Variants in SCARB2 observed in about 807,000 individuals in gnomAD.
SCARB2 encodes the protein lysosome membrane protein 2.
Under a neutral mutation model 58.6 loss-of-function variants are expected in SCARB2, and 29 were observed. The ratio of observed to expected loss-of-function variants is 0.49; its 90% CI spans 0.37 to 0.67. The LOEUF (loss-of-function observed/expected upper bound fraction) is 0.67. SCARB2 is among the 30% of genes least tolerant of loss of function. SCARB2 has a pLI of 0.00. For missense variants in SCARB2, 488 were observed against 578.5 expected, an observed-to-expected ratio of 0.84 and a Z score of 1.60; for synonymous variants, 195 against 210.1, an observed-to-expected ratio of 0.93 and a Z score of 0.62.
chr4:76,213,669 C>G lies in SCARB2; in HGVS notation c.-126G>C, dbSNP rs1733126345. ...CGGCGCCACGCCCACGCCCTCCCGG[C>G]GCACGGTTCGTGCGCGCAGCTCTGG... On this transcript the variant is annotated 5_prime_UTR_variant, in exon 1 of 12. Transcript: ENST00000264896. 1 of 730,896 alleles carries G rather than the reference C, an allele frequency of 1.4e-6. No individual in the cohort carries two copies. The highest frequency in any genetic ancestry group is 1.8e-5 in the African/African-American group (1 of 56,648). 45.3% of individuals were successfully genotyped at this position (730,896 alleles called of 1,614,324 possible).
intron 2 of SCARB2, among the ~76,000 whole-genome samples, chr4:76,191,475 G>A (rs900203323): frequency 6.6e-6 from 1 of 151,980 alleles, no homozygotes; most frequent in African/African-American, 2.4e-5. Flanking sequence ...GAGTTCTCAC[G>A]AGATCTGGCT....
chr4:76,197,825 T>C (rs1732745150), intron 1 of SCARB2, among the ~76,000 whole-genome samples: 1 of 152,222 alleles, frequency 6.6e-6, no homozygotes, highest in South Asian at 2.1e-4. Flanking sequence ...CCACTCACTG[T>C]TGCTTTTGTT....
chr4:76,228,794 T>A (rs11561677), intron 1 of SCARB2, among the ~76,000 whole-genome samples: 22,700 of 152,090 alleles, frequency 0.15, 1,991 homozygotes, highest in East Asian at 0.35. Context: ...CTTTCCTTCA[T>A]CTTGATGTTA....
At chr4:76,193,169 T>G (rs1458480582) in intron 2 of SCARB2, 4 of 152,168 alleles carry the variant, frequency 2.6e-5, no homozygotes, top group South Asian at 2.1e-4. Flanking sequence ...CTCTGGAGGG[T>G]GCAAGCCATA....
chr4:76,219,794 C>A (rs1733277271), intron 1 of SCARB2, among the ~76,000 whole-genome samples: 1 of 152,044 alleles, frequency 6.6e-6, no homozygotes, highest in Non-Finnish European at 1.5e-5. Flanking sequence ...CCGCCCCTCA[C>A]CACTAACCTG....
chr4:76,226,633 C>A (rs1733403800), intron 1 of SCARB2, among the ~76,000 whole-genome samples: 2 of 152,134 alleles, frequency 1.3e-5, no homozygotes, highest in South Asian at 4.1e-4. Context: ...TGTTCCAAGA[C>A]TCTTCTACGT....
At position 76,179,606 on chromosome 4, in the gene SCARB2, C is replaced by T. The variant is rs751711805; in HGVS notation, c.523G>A (p.Glu175Lys). 15 of 1,613,898 alleles carry T rather than the reference C, an allele frequency of 9.3e-6. No homozygotes were observed. Among genetic ancestry groups the T allele is most frequent in the South Asian group, 2.2e-5 (2 of 91,084 alleles). ...TCATCTTTGTAGCCCCAGAGCAATT[C>T]GTCAACTGTGTGAGTCACAAAGAGC... ...QKLFVTHTVD[E>K]LLWGYKDEIL... Residue 175 changes from glutamate to lysine, a missense_variant, in exon 4 of 12, where the codon GAA becomes AAA. By Grantham distance (56) the Glu-to-Lys change is moderately conservative. Coordinates refer to ENST00000264896, the MANE Select transcript of SCARB2 (RefSeq NM_005506.4).
At chr4:76,177,779 G>A (rs1732283604) in intron 4 of SCARB2, among the ~76,000 whole-genome samples, 1 of 152,028 alleles carries the variant, frequency 6.6e-6, no homozygotes, top group African/African-American at 2.4e-5. Context: ...GACACAGAAG[G>A]GCATATATTA....
Position 76,175,851 on chromosome 4 carries a change from G to C in SCARB2, c.764C>G (p.Ser255Cys). 2.5e-6 allele frequency: 4 copies of C among 1,614,006 alleles called. No individual in the cohort carries two copies. The South Asian group carries it at 3.3e-5, about 13-fold the overall frequency. ...CNMINGTDGD[S>C]FHPLITKDEV... ...ATCTTTGGTTATTAGTGGGTGAAAA[G>C]AATCTCCATCTGTTCCATTAATCAT... Residue 255 changes from serine to cysteine, a missense_variant, in exon 6 of 12, where the codon TCT becomes TGT. Ser to Cys is a moderately radical substitution (Grantham distance 112). Coordinates refer to ENST00000264896, the MANE Select transcript of SCARB2 (RefSeq NM_005506.4).
chr4:76,169,901 T>C lies in SCARB2; in HGVS notation c.1079A>G (p.Gln360Arg). ...GTCCACAAATGTCTCATGGTCTTCC[T>C]GATTTGGGTGCATGCCTTCTATGGC... Reference protein sequence around the residue: ...VSAIEGMHPNQEDHETFVDIN... With the variant: ...VSAIEGMHPNREDHETFVDIN... Residue 360 changes from glutamine to arginine, a missense_variant, in exon 8 of 12, where the codon CAG (glutamine) becomes CGG (arginine). Gln to Arg is a conservative substitution (Grantham distance 43). Transcript: ENST00000264896. 6.2e-7 allele frequency: 1 copy of C among 1,614,096 alleles called. No individual in the cohort carries two copies. The highest frequency in any genetic ancestry group is 2.2e-5 in the East Asian group (1 of 44,868).
chr4:76,181,007 A>C lies in SCARB2; in HGVS notation c.370T>G (p.Ser124Ala), dbSNP rs769705000. The C allele has an allele frequency of 6.2e-7, 1 of 1,613,796 alleles. No homozygotes were observed. Among genetic ancestry groups the C allele is most frequent in the South Asian group, 1.1e-5 (1 of 91,046 alleles). ...AAGTCAATTTTAGGGTCTCCAACAG[A>C]TTGGTCTCGTTCAAAAACATAGGCC... Reference protein sequence around the residue: ...NKAYVFERDQSVGDPKIDLIR... With the variant: ...NKAYVFERDQAVGDPKIDLIR... The change falls in exon 3 of 12, where the codon TCT becomes GCT. Residue 124 changes from serine to alanine, a missense_variant. Physicochemically the swap from Ser to Ala is moderately conservative, Grantham distance 99. Coordinates refer to ENST00000264896, the MANE Select transcript of SCARB2 (RefSeq NM_005506.4).
intron 10 of SCARB2, chr4:76,164,375 A>G (rs992517830): frequency 2.0e-5 from 3 of 152,478 alleles, no homozygotes. Context: ...GGGGCTGGGC[A>G]TGGTGGCTCA....
intron 1 of SCARB2, among the ~76,000 whole-genome samples, chr4:76,207,020 A>G (rs1453823977): frequency 6.6e-6 from 1 of 152,212 alleles, no homozygotes; most frequent in South Asian, 2.1e-4. Flanking sequence ...ATGTATTTTT[A>G]AAAATATTCT....
At chr4:76,178,148 T>TTTC in intron 4 of SCARB2, among the ~76,000 whole-genome samples, 1 of 152,300 alleles carries the variant, frequency 6.6e-6, no homozygotes. Context: ...TCAATTAAGG[T>TTTC]TTCTTCAATT....
chr4:76,170,671 C>T (rs60990817), intron 7 of SCARB2, among the ~76,000 whole-genome samples: 7,597 of 152,130 alleles, frequency 0.05, 590 homozygotes, highest in African/African-American at 0.17. Flanking sequence ...GCATGCACCA[C>T]CACACCCGGA....
At chr4:76,230,302 C>T (rs1001292169) in intron 1 of SCARB2, among the ~76,000 whole-genome samples, 2 of 152,028 alleles carry the variant, frequency 1.3e-5, no homozygotes, top group Non-Finnish European at 2.9e-5. Context: ...TGGGGGAAAG[C>T]CAGTAACAAT....
upstream of SCARB2, chr4:76,217,606 C>G: frequency 1.7e-6 from 1 of 575,902 alleles, no homozygotes; most frequent in Non-Finnish European, 3.2e-6. Context: ...GGCCCTCATC[C>G]AATGCAGATG....
chr4:76,195,429 G>C (rs1448223788), intron 2 of SCARB2: 1 of 448,026 alleles, frequency 2.2e-6, no homozygotes, highest in Non-Finnish European at 4.1e-6. Flanking sequence ...TCAGGGTAAG[G>C]AGTAACCCTT....
At chr4:76,175,674 G>C in intron 6 of SCARB2, 117 bp downstream of exon 6, 1 of 1,188,654 alleles carries the variant, frequency 8.4e-7, no homozygotes. Flanking sequence ...ATTTATCACT[G>C]ATTATGCATA....
Sources: gnomAD v4.1 joint callset for allele counts (sites outside exome capture counted in the v4.1 genomes callset) on GRCh38, gnomAD v4.1.1 for gene constraint, MANE v1.5 for transcripts, NCBI Gene and HGNC (gene_info 2026-07-23, HGNC 2026-07-21) for gene names.